STIM1: variants seen among roughly 807,000 people sequenced by gnomAD.
STIM1 encodes stromal interaction molecule 1.
In STIM1, 25 loss-of-function variants were observed where a neutral mutation model predicts 74.7. That is an observed-to-expected ratio of 0.33 (90% CI 0.24 to 0.47). The LOEUF is 0.47. Ranked by LOEUF, STIM1 falls within the 20% of genes least tolerant of loss-of-function variation. STIM1 has a pLI of 1.00. For missense variants in STIM1, 728 were observed against 920.8 expected, an observed-to-expected ratio of 0.79 and a Z score of 2.71; for synonymous variants, 328 against 348.8, an observed-to-expected ratio of 0.94 and a Z score of 0.66.
chr11:3,998,193 G>A (rs2093679747), intron 2 of STIM1, among the ~76,000 whole-genome samples: 1 of 152,134 alleles, frequency 6.6e-6, no homozygotes, highest in South Asian at 2.1e-4. Flanking sequence ...TCAACATGAG[G>A]GTTGTTAGGT....
chr11:3,888,024 A>G (rs1304637923), intron 1 of STIM1: 1 of 150,530 alleles, frequency 6.6e-6, no homozygotes, highest in Non-Finnish European at 1.5e-5. Context: ...TTATCTCCCC[A>G]CCACCCCTCA....
intron 7 of STIM1, 135 bp downstream of exon 7, chr11:4,074,814 TTACCAACAATA>T: frequency 2.0e-6 from 2 of 1,002,420 alleles, no homozygotes; most frequent in Non-Finnish European, 2.9e-6. Flanking sequence ...CACTGGACTC[TTACCAACAATA>T]AGAGTTCAAG....
At chr11:4,081,188 C>T (rs1220233186) in intron 7 of STIM1, among the ~76,000 whole-genome samples, 2 of 152,208 alleles carry the variant, frequency 1.3e-5, no homozygotes, top group African/African-American at 4.8e-5. Context: ...GCTTTCAATG[C>T]ATCTTCTCTG....
chr11:4,008,651 A>G (rs1196156673), intron 2 of STIM1, among the ~76,000 whole-genome samples: 2 of 152,162 alleles, frequency 1.3e-5, no homozygotes, highest in African/African-American at 2.4e-5. Context: ...GTGGGCACCA[A>G]CTCTGGATAG....
intron 12 of STIM1, among the ~76,000 whole-genome samples, chr11:4,087,788 G>A (rs2094502432): frequency 6.7e-6 from 1 of 149,408 alleles, no homozygotes; most frequent in South Asian, 2.2e-4. Context: ...GGCTACAGTG[G>A]TGAAGGAAAG....
At chr11:3,989,294 T>G (rs1323282377) in intron 2 of STIM1, 1 of 927,978 alleles carries the variant, frequency 1.1e-6, no homozygotes, top group South Asian at 1.3e-5. Flanking sequence ...TTTGCTCCCC[T>G]TTTCCCTTTT....
chr11:4,005,342 A>C (rs183789945), intron 2 of STIM1, among the ~76,000 whole-genome samples: 4 of 152,232 alleles, frequency 2.6e-5, no homozygotes. Flanking sequence ...CCAAATGTCC[A>C]ACAATGATAG....
chr11:3,925,005 C>A (rs367958057), intron 1 of STIM1, among the ~76,000 whole-genome samples: 1 of 152,128 alleles, frequency 6.6e-6, no homozygotes, highest in Non-Finnish European at 1.5e-5. Context: ...ATACCTCATG[C>A]TCCATAATTT....
chr11:3,872,053 T>C (rs1232239805), intron 1 of STIM1, among the ~76,000 whole-genome samples: 1 of 152,200 alleles, frequency 6.6e-6, no homozygotes. Context: ...TCTTGTTTTC[T>C]AACTCTCGTT....
Position 3,980,686 on chromosome 11 carries a change from A to ACAAC in STIM1, c.270+13004_270+13005insCAAC, listed in dbSNP as rs1319797329. Among the ~76,000 whole-genome samples the ACAAC allele has an allele frequency of 6.6e-3, 997 of 150,892 alleles. 14 individuals carry two copies. The highest frequency in any genetic ancestry group is 0.024 in the East Asian group (122 of 5,108). On this transcript the variant is annotated intron_variant, in intron 2 of 12. Transcript: ENST00000526596. The stretch of plus-strand genomic sequence containing the variant: ...ACAACAACAACAACAACAACAAAAA[A>ACAAC]AAACAAATAGAAACAAAAGGAAAAA...
rs1254428242 is a variant in STIM1 at position 4,092,842 on chromosome 11, CT to C, written c.*1047del. ...CTTGTTAGATCCCATTTTCATGTTACTTTGTAGCCTTGGCCAGAGGCTCAAA... is the reference window on the plus strand; with the variant it reads ...CTTGTTAGATCCCATTTTCATGTTACTTGTAGCCTTGGCCAGAGGCTCAAA... On this transcript the variant is annotated 3_prime_UTR_variant, in exon 13 of 13. Coordinates refer to ENST00000526596, the MANE Select transcript of STIM1 (RefSeq NM_001382567.1). 1.3e-5 allele frequency: 2 copies of C among 152,236 alleles called. No individual in the cohort carries two copies. The highest frequency in any genetic ancestry group is 4.8e-5 in the African/African-American group (2 of 41,458). 9.4% of individuals were successfully genotyped at this position (152,236 alleles called of 1,614,324 possible). A position where few individuals can be genotyped will look rare whatever the true frequency, so the allele number is the denominator to read the frequency against.
chr11:3,982,706 G>A (rs1278551818), intron 2 of STIM1, among the ~76,000 whole-genome samples: 1 of 152,162 alleles, frequency 6.6e-6, no homozygotes, highest in Non-Finnish European at 1.5e-5. Context: ...AAATTAGATT[G>A]TGGTGATAGT....
chr11:3,961,067 A>G (rs2093280029), intron 1 of STIM1, among the ~76,000 whole-genome samples: 1 of 151,944 alleles, frequency 6.6e-6, no homozygotes, highest in African/African-American at 2.4e-5. Context: ...CAGTGGTGCA[A>G]TCACAGCTCA....
chr11:4,026,524 C>T (rs193081050), intron 3 of STIM1, among the ~76,000 whole-genome samples: 44 of 152,134 alleles, frequency 2.9e-4, no homozygotes, highest in Non-Finnish European at 4.4e-4. Context: ...TCACAGCCCC[C>T]GATAAGATTA....
chr11:4,089,180 G>A (rs946636208), intron 12 of STIM1: 6 of 193,514 alleles, frequency 3.1e-5, no homozygotes, highest in Non-Finnish European at 5.5e-5. Context: ...CCGAGATCGC[G>A]CCATTGCACT....
rs1008063562 is a variant in STIM1 at position 4,090,446 on chromosome 11, T to C, written c.1635-836T>C. Among the ~76,000 whole-genome samples the C allele has an allele frequency of 2.0e-5, 3 of 152,170 alleles. No homozygotes were observed. The East Asian group carries it at 5.8e-4, about 29-fold the overall frequency. ...ACCCTTCCTGCCGCACCACAGACTT[T>C]GGTTTGAACTCTGCAATACCTATCT... is the stretch of plus-strand genomic sequence containing the variant. On this transcript the variant is annotated intron_variant, in intron 12 of 12. Transcript: ENST00000526596.
chr11:4,070,053 T>C lies in STIM1; in HGVS notation c.641T>C (p.Phe214Ser). ...LLTRHNHLKDFMLVVSIVIGV... is the reference protein window; with the variant it reads ...LLTRHNHLKDSMLVVSIVIGV... ...ACTCGCCATAATCACCTCAAGGACTTCATGCTGGTGGTGTCTATCGTTATT... is the reference window on the plus strand; with the variant it reads ...ACTCGCCATAATCACCTCAAGGACTCCATGCTGGTGGTGTCTATCGTTATT... Residue 214 changes from phenylalanine (F) to serine (S), a missense_variant, in exon 6 of 13, where the codon TTC (phenylalanine) becomes TCC (serine). Transcript: ENST00000526596. 6.2e-7 allele frequency: 1 copy of C among 1,614,174 alleles called. No individual in the cohort carries two copies. Among genetic ancestry groups the C allele is most frequent in the Non-Finnish European group, 8.5e-7 (1 of 1,180,024 alleles).
chr11:4,051,071 A>T (rs553304832), intron 3 of STIM1, among the ~76,000 whole-genome samples: 4 of 151,946 alleles, frequency 2.6e-5, no homozygotes, highest in Non-Finnish European at 5.9e-5. Flanking sequence ...AGAAGCAGGC[A>T]CACTCAGTAT....
chr11:3,898,385 G>GT, intron 1 of STIM1, among the ~76,000 whole-genome samples: 1 of 102,676 alleles, frequency 9.7e-6, no homozygotes, highest in Admixed American at 1.1e-4. Context: ...TTGTAAATTT[G>GT]TTTGAGTTCA....
Sources: gnomAD v4.1 joint callset for allele counts (sites outside exome capture counted in the v4.1 genomes callset) on GRCh38, gnomAD v4.1.1 for gene constraint, MANE v1.5 for transcripts, NCBI Gene and HGNC (gene_info 2026-07-23, HGNC 2026-07-21) for gene names.